Variants in SNX30 observed in about 807,000 individuals in gnomAD.
The protein encoded by SNX30 is sorting nexin-30.
In SNX30, 24 loss-of-function variants were observed where a neutral mutation model predicts 46.4. The observed-to-expected ratio is 0.52, with a 90% CI of 0.37 to 0.73. SNX30 has a LOEUF of 0.73. Ranked by LOEUF, SNX30 falls within the 30% of genes least tolerant of loss-of-function variation. The pLI is 0.00. For synonymous variants in SNX30, 189 were observed against 211.5 expected, an observed-to-expected ratio of 0.89 and a Z score of 0.92; for missense variants, 533 against 555.7, an observed-to-expected ratio of 0.96 and a Z score of 0.41.
chr9:112,782,240 A>G (rs1282779027), intron 1 of SNX30, among the ~76,000 whole-genome samples: 1 of 151,366 alleles, frequency 6.6e-6, no homozygotes, highest in Non-Finnish European at 1.5e-5. Context: ...TTAATTTTGT[A>G]TTTTTATTAG....
chr9:112,875,566 G>A (rs1414090135), downstream of SNX30, among the ~76,000 whole-genome samples: 2 of 152,180 alleles, frequency 1.3e-5, no homozygotes, highest in Non-Finnish European at 1.5e-5. Context: ...TTAGTATTAC[G>A]ATCTTTGAGA....
chr9:112,759,556 T>G (rs1217812587), intron 1 of SNX30, among the ~76,000 whole-genome samples: 2 of 151,972 alleles, frequency 1.3e-5, no homozygotes, highest in Non-Finnish European at 2.9e-5. Flanking sequence ...GGCGAAACCC[T>G]GTCTCTACTA....
rs891095037 is a variant in SNX30, at chr9:112,870,247, G to A, written c.*1404G>A. 1 of 151,898 alleles carries A rather than the reference G, an allele frequency of 6.6e-6. No individual in the cohort carries two copies. The allele number at this position is 151,898 out of a possible 1,614,324, so 9.4% of individuals were successfully genotyped here. Reference sequence around the variant, plus strand: ...CTGTGGCTCATCCCTGTAAAACTACGAATCTGAGCCTCAAATAAGCAGTAG... The same window carrying A: ...CTGTGGCTCATCCCTGTAAAACTACAAATCTGAGCCTCAAATAAGCAGTAG... On this transcript the variant is annotated 3_prime_UTR_variant, in exon 9 of 9. Transcript: ENST00000374232.
chr9:112,773,711 A>G (rs923686473), intron 1 of SNX30, among the ~76,000 whole-genome samples: 4 of 152,254 alleles, frequency 2.6e-5, no homozygotes, highest in African/African-American at 9.6e-5. Flanking sequence ...GAAAGAGTAC[A>G]TAAATTGTGG....
At chr9:112,763,714 C>T (rs145237732) in intron 1 of SNX30, among the ~76,000 whole-genome samples, 10,338 of 151,616 alleles carry the variant, frequency 0.068, 449 homozygotes, top group Non-Finnish European at 0.099. Context: ...CTGGGCATGG[C>T]GGCGCGTGCC....
chr9:112,781,423 G>GA (rs1007232712), intron 1 of SNX30, among the ~76,000 whole-genome samples: 1 of 151,838 alleles, frequency 6.6e-6, no homozygotes, highest in African/African-American at 2.4e-5. Flanking sequence ...TCTTGACATA[G>GA]AAAAAAAATT....
upstream of SNX30, among the ~76,000 whole-genome samples, chr9:112,750,677 T>C (rs1839250867): frequency 1.3e-5 from 2 of 150,682 alleles, no homozygotes; most frequent in Non-Finnish European, 3.0e-5. Flanking sequence ...TTCCCCGCCC[T>C]CCCCGCCCCC....
chr9:112,812,414 C>G (rs1481208862), intron 2 of SNX30, among the ~76,000 whole-genome samples: 1 of 152,094 alleles, frequency 6.6e-6, no homozygotes. Context: ...GACCACCGCA[C>G]CCGGCTAATT....
At chr9:112,853,271 G>C (rs983540969) in intron 7 of SNX30, among the ~76,000 whole-genome samples, 2 of 152,190 alleles carry the variant, frequency 1.3e-5, no homozygotes, top group Non-Finnish European at 2.9e-5. Context: ...CCCTCCCTCT[G>C]GTTCCTCCTG....
chr9:112,839,397 G>T (rs1840819727), intron 6 of SNX30, among the ~76,000 whole-genome samples: 1 of 152,222 alleles, frequency 6.6e-6, no homozygotes, highest in Non-Finnish European at 1.5e-5. Context: ...AAAGCAGAGG[G>T]AGGGGCAGAT....
chr9:112,868,073 A>G (rs1030657448), intron 8 of SNX30, among the ~76,000 whole-genome samples: 4 of 152,166 alleles, frequency 2.6e-5, no homozygotes, highest in Non-Finnish European at 5.9e-5. Flanking sequence ...TACCATGGAC[A>G]AGCTGTGTGT....
intron 7 of SNX30, among the ~76,000 whole-genome samples, chr9:112,857,709 T>C (rs1588140718): frequency 6.6e-6 from 1 of 152,300 alleles, no homozygotes; most frequent in African/African-American, 2.4e-5. Flanking sequence ...TTGAGATTTC[T>C]GTTCTAGGGC....
chr9:112,779,837 G>A (rs1165416162), intron 1 of SNX30, among the ~76,000 whole-genome samples: 2 of 152,146 alleles, frequency 1.3e-5, no homozygotes, highest in Admixed American at 6.6e-5. Context: ...CATACTGTAC[G>A]AGAGAGGCAC....
At chr9:112,849,674 A>G (rs1840994002) in intron 6 of SNX30, among the ~76,000 whole-genome samples, 1 of 152,212 alleles carries the variant, frequency 6.6e-6, no homozygotes, top group African/African-American at 2.4e-5. Context: ...GTATTGACAC[A>G]TTCCATTAGA....
At chr9:112,821,931 C>G (rs556482314) in intron 3 of SNX30, among the ~76,000 whole-genome samples, 8 of 152,300 alleles carry the variant, frequency 5.3e-5, no homozygotes, top group Non-Finnish European at 8.8e-5. Flanking sequence ...TATGTGTCAC[C>G]ATGCCTGGCT....
chr9:112,864,499 C>A, intron 8 of SNX30, 100 bp downstream of exon 8: 1 of 1,482,596 alleles, frequency 6.7e-7, no homozygotes, highest in Non-Finnish European at 9.3e-7. Context: ...GTCTCATCTC[C>A]TTCCCTTATT....
intron 1 of SNX30, among the ~76,000 whole-genome samples, chr9:112,793,975 T>C (rs1167714522): frequency 1.3e-5 from 2 of 152,036 alleles, no homozygotes; most frequent in Non-Finnish European, 2.9e-5. Context: ...TTCCTGGTTA[T>C]TGAGCCTTTG....
At chr9:112,754,196 G>A (rs1030387938) in intron 1 of SNX30, among the ~76,000 whole-genome samples, 1 of 152,154 alleles carries the variant, frequency 6.6e-6, no homozygotes, top group Non-Finnish European at 1.5e-5. Context: ...AGGGTAGCCT[G>A]GTGTCTTGGT....
In SNX30 at chr9:112,871,763, A is replaced by T. The variant is rs982520845; in HGVS notation, c.*2920A>T. Reference sequence around the variant, plus strand: ...TGAGCAGATTTTAGAGACGCAAATGATGTTTAAGAGAGCCTTGTGATTTGT... The same window carrying T: ...TGAGCAGATTTTAGAGACGCAAATGTTGTTTAAGAGAGCCTTGTGATTTGT... On this transcript the variant is annotated 3_prime_UTR_variant, in exon 9 of 9. Coordinates refer to ENST00000374232, the MANE Select transcript of SNX30 (RefSeq NM_001012994.2). 1 of 152,048 alleles carries T rather than the reference A, an allele frequency of 6.6e-6. No homozygotes were observed. Among genetic ancestry groups the T allele is most frequent in the Non-Finnish European group, 1.5e-5 (1 of 68,018 alleles). 9.4% of individuals were successfully genotyped at this position (152,048 alleles called of 1,614,324 possible).
Sources: gnomAD v4.1 joint callset for allele counts (sites outside exome capture counted in the v4.1 genomes callset) on GRCh38, gnomAD v4.1.1 for gene constraint, MANE v1.5 for transcripts, NCBI Gene and HGNC (gene_info 2026-07-23, HGNC 2026-07-21) for gene names.